The following FAM9B variants were observed in gnomAD, a reference collection of about 807,000 sequenced individuals.
The protein encoded by FAM9B is protein FAM9B.
Under a neutral mutation model 16.6 loss-of-function variants are expected in FAM9B, and 18 were observed. That is an observed-to-expected ratio of 1.09 (90% CI 0.75 to 1.61). The LOEUF is 1.61. Ranked by LOEUF, FAM9B falls within the 40% of genes most tolerant of loss-of-function variation. The probability of loss-of-function intolerance (pLI) is 0.00; values close to 1 mark genes in which losing one functional copy is unlikely to be tolerated. For synonymous variants in FAM9B, 43 were observed against 42.6 expected, an observed-to-expected ratio of 1.01 and a Z score of -0.03; for missense variants, 155 against 136.0, an observed-to-expected ratio of 1.14 and a Z score of -0.70.
rs1569139099 is a variant in FAM9B at position 9,032,556 on chromosome X, G to GTT, written c.29-96_29-95insAA. On this transcript the variant is annotated intron_variant, in intron 2 of 8. Coordinates refer to ENST00000327220, the MANE Select transcript of FAM9B (RefSeq NM_205849.3). ...ATGTACTAGTTGTAGACTTTTTTGG[G>GTT]GGGGGGGGGCTCTCTGCCAATTAAA... The GTT allele has an allele frequency of 6.7e-5, 39 of 581,726 alleles. No homozygotes were observed. The African/African-American group carries it at 9.7e-4, about 14-fold the overall frequency. 47.9% of individuals were successfully genotyped at this position (581,726 alleles called of 1,213,427 possible).
intron 7 of FAM9B, 70 bp downstream of exon 7, chrX:9,027,798 A>G (rs1405290630): frequency 2.4e-5 from 21 of 861,945 alleles, no homozygotes; most frequent in Non-Finnish European, 3.4e-5. Flanking sequence ...ACATTCAGAA[A>G]CAAGCAGACT....
intron 1 of FAM9B, chrX:9,033,323 G>A (rs979981690): frequency 2.9e-6 from 3 of 1,052,399 alleles, no homozygotes; most frequent in African/African-American, 3.8e-5. Context: ...GATCCTCGCC[G>A]CCCTTTTGGG....
At chrX:9,030,606 C>T in intron 4 of FAM9B, 1 of 247,924 alleles carries the variant, frequency 4.0e-6, no homozygotes, top group Non-Finnish European at 7.1e-6. Flanking sequence ...ACTTAATTGA[C>T]AGATGATGAA....
At chrX:9,033,798 G>A in intron 1 of FAM9B, 54 bp downstream of exon 1, 2 of 751,263 alleles carry the variant, frequency 2.7e-6, no homozygotes, top group East Asian at 1.5e-4. Flanking sequence ...TCACACCCTG[G>A]TTCCCAGAGG....
intron 3 of FAM9B, 90 bp from the exon 4 acceptor site, chrX:9,032,251 T>C: frequency 4.2e-6 from 5 of 1,196,091 alleles, no homozygotes; most frequent in Non-Finnish European, 3.4e-6. Flanking sequence ...TGAAATGTTC[T>C]GCATAGAATA....
chrX:9,033,245 GC>G, intron 1 of FAM9B, 170 bp from the exon 2 acceptor site: 1 of 1,095,968 alleles, frequency 9.1e-7, no homozygotes, highest in East Asian at 3.3e-5. Flanking sequence ...GGCCCGTCCA[GC>G]CCGTCCCCGG....
intron 2 of FAM9B, 106 bp downstream of exon 2, chrX:9,032,853 A>G (rs1921126687): frequency 8.3e-6 from 9 of 1,082,845 alleles, no homozygotes; most frequent in Non-Finnish European, 1.1e-5. Context: ...CAGAGCCACG[A>G]AGGGGCCTGG....
At chrX:9,029,814 A>C (rs1046922881) in intron 5 of FAM9B, among the ~76,000 whole-genome samples, 4 of 112,107 alleles carry the variant, frequency 3.6e-5, no homozygotes, top group African/African-American at 9.7e-5. Flanking sequence ...TCACTTAACT[A>C]TTTCTCCACT....
chrX:9,029,329 T>TCTA lies in FAM9B; in HGVS notation c.370_371insTAG (p.Glu123_Glu124insVal). 1 of 1,186,798 alleles carries TCTA rather than the reference T, an allele frequency of 8.4e-7. No individual in the cohort carries two copies. The highest frequency in any genetic ancestry group is 1.1e-6 in the Non-Finnish European group (1 of 876,760). On this transcript the variant is annotated inframe_insertion, in exon 6 of 9. Transcript: ENST00000327220. The stretch of plus-strand genomic sequence containing the variant: ...AACAATTAGTTCTTCCTCTTCTCCC[T>TCTA]CTTCTTCTTCTTCCTCTTTCTGCTC...
chrX:9,032,931 C>G, intron 2 of FAM9B, 28 bp downstream of exon 2: 2 of 1,208,618 alleles, frequency 1.7e-6, no homozygotes, highest in Non-Finnish European at 2.2e-6. Context: ...CGTGCACCTT[C>G]TTCTGGGTCC....
chrX:9,025,415 T>C (rs1920959080), intron 8 of FAM9B, 38 bp from the exon 9 acceptor site: 4 of 781,209 alleles, frequency 5.1e-6, no homozygotes, highest in Non-Finnish European at 7.2e-6. Flanking sequence ...GTAATACACA[T>C]TTCTGCAAAT....
At chrX:9,028,906 T>C (rs765838151) in intron 6 of FAM9B, among the ~76,000 whole-genome samples, 8 of 111,080 alleles carry the variant, frequency 7.2e-5, no homozygotes, top group Non-Finnish European at 1.3e-4. Context: ...TGGAGCACTT[T>C]TTACTGCCCA....
At position 9,024,684 on chromosome X, in the gene FAM9B, C is replaced by G. The variant is rs1427760110; in HGVS notation, c.*725G>C. 2 of 112,066 alleles carry G rather than the reference C, an allele frequency of 1.8e-5. No homozygotes were observed. The highest frequency in any genetic ancestry group is 6.5e-5 in the African/African-American group (2 of 30,922). 9.2% of individuals were successfully genotyped at this position (112,066 alleles called of 1,213,427 possible). ...GCACAGATAAGATAGCTTTTGTCTT[C>G]TTCTTCTTGTTTTCTGAGAAAGAGT... On this transcript the variant is annotated 3_prime_UTR_variant, in exon 9 of 9. Transcript: ENST00000327220.
chrX:9,032,562 G>A (rs1241748989), intron 2 of FAM9B, 101 bp from the exon 3 acceptor site: 3 of 478,391 alleles, frequency 6.3e-6, no homozygotes, highest in East Asian at 1.3e-4. Context: ...TTGGGGGGGG[G>A]GGGCTCTCTG....
chrX:9,031,838 G>A (rs1339147056), intron 4 of FAM9B: 1 of 278,409 alleles, frequency 3.6e-6, no homozygotes, highest in Non-Finnish European at 6.3e-6. Context: ...GAATAGAGCT[G>A]TTTCTCCTCC....
At position 9,025,284 on chromosome X, in the gene FAM9B, T is replaced by C. The variant is rs1363985737; in HGVS notation, c.*125A>G. On this transcript the variant is annotated 3_prime_UTR_variant, in exon 9 of 9. Coordinates refer to ENST00000327220, the MANE Select transcript of FAM9B (RefSeq NM_205849.3). Reference sequence around the variant, plus strand: ...TAGTTTACTGTAGCTCAAGTTGTGCTTGTATCATATAACATAGGTTCAAGT... The same window carrying C: ...TAGTTTACTGTAGCTCAAGTTGTGCCTGTATCATATAACATAGGTTCAAGT... 3.6e-5 allele frequency: 11 copies of C among 305,234 alleles called. No individual in the cohort carries two copies. The highest frequency in any genetic ancestry group is 9.4e-5 in the South Asian group (1 of 10,673). The allele number at this position is 305,234 out of a possible 1,213,427, so 25.2% of individuals were successfully genotyped here. A position where few individuals can be genotyped will look rare whatever the true frequency, so the allele number is the denominator to read the frequency against.
In FAM9B at chrX:9,024,720, C is replaced by A. The variant is rs1465519210; in HGVS notation, c.*689G>T. Reference sequence around the variant, plus strand: ...TTTCTGAGAAAGAGTCTTGCTCTGTCGCCCAGGCTGGAGTGCAGTGGCACA... The same window carrying A: ...TTTCTGAGAAAGAGTCTTGCTCTGTAGCCCAGGCTGGAGTGCAGTGGCACA... On this transcript the variant is annotated 3_prime_UTR_variant, in exon 9 of 9. Transcript: ENST00000327220. 5 of 112,370 alleles carry A rather than the reference C, an allele frequency of 4.4e-5. No homozygotes were observed. The East Asian group carries it at 1.4e-3, about 32-fold the overall frequency. 9.3% of individuals were successfully genotyped at this position (112,370 alleles called of 1,213,427 possible).
In FAM9B at chrX:9,025,341, G is replaced by C; in HGVS notation, c.*68C>G. On this transcript the variant is annotated 3_prime_UTR_variant, in exon 9 of 9. Transcript: ENST00000327220. ...TTCAGTCATCAGAATAACAGAGGTT[G>C]AAGAGACAACTGGGTAAGTGCCAAC... The C allele has an allele frequency of 2.6e-6, 1 of 390,522 alleles. No individual in the cohort carries two copies. The highest frequency in any genetic ancestry group is 4.4e-6 in the Non-Finnish European group (1 of 224,737). The allele number at this position is 390,522 out of a possible 1,213,427, so 32.2% of individuals were successfully genotyped here.
At chrX:9,028,792 G>C (rs1338392089) in intron 6 of FAM9B, among the ~76,000 whole-genome samples, 1 of 111,438 alleles carries the variant, frequency 9.0e-6, no homozygotes, top group South Asian at 3.8e-4. Context: ...GCACTCAGCT[G>C]TTTCTCCAAC....
Sources: allele counts gnomAD v4.1 joint callset (sites outside exome capture counted in the v4.1 genomes callset), GRCh38; gene constraint gnomAD v4.1.1; transcripts MANE v1.5; gene names NCBI Gene and HGNC (gene_info 2026-07-23, HGNC 2026-07-21).